The following DLGAP2 variants were observed in gnomAD, a reference collection of about 807,000 sequenced individuals.
The protein encoded by DLGAP2 is DLG associated protein 2.
Under a neutral mutation model 100.3 loss-of-function variants are expected in DLGAP2, and 26 were observed. The ratio of observed to expected loss-of-function variants is 0.26; its 90% CI spans 0.19 to 0.36. The LOEUF is 0.36. DLGAP2 is among the 10% of genes least tolerant of loss of function. DLGAP2 has a pLI of 1.00. For missense variants in DLGAP2, 1,858 were observed against 1,453.2 expected, an observed-to-expected ratio of 1.28 and a Z score of -4.53; for synonymous variants, 886 against 630.1, an observed-to-expected ratio of 1.41 and a Z score of -6.08.
At chr8:837,261 C>G (rs1453219149) in intron 1 of DLGAP2, among the ~76,000 whole-genome samples, 1 of 152,218 alleles carries the variant, frequency 6.6e-6, no homozygotes, top group African/African-American at 2.4e-5. Flanking sequence ...GCAGCCTGGC[C>G]AGTCCTCGGA....
intron 3 of DLGAP2, among the ~76,000 whole-genome samples, chr8:1,322,298 C>A (rs539849810): frequency 6.6e-6 from 1 of 152,218 alleles, no homozygotes; most frequent in South Asian, 2.1e-4. Flanking sequence ...ACTGAAAAAA[C>A]TTCGAAATCT....
At chr8:1,255,008 T>TGTGTGTGTGTCCTCTCATCCTGCCC (rs1563043352) in intron 2 of DLGAP2, among the ~76,000 whole-genome samples, 1 of 33,934 alleles carries the variant, frequency 2.9e-5, no homozygotes, top group African/African-American at 1.3e-4. Context: ...TCATCCTGCT[T>TGTGTGTGTGTCCTCTCATCCTGCCC]GGGCGCTGTG....
At chr8:1,465,033 C>A (rs1038514031) in intron 3 of DLGAP2, among the ~76,000 whole-genome samples, 1 of 152,252 alleles carries the variant, frequency 6.6e-6, no homozygotes, top group Non-Finnish European at 1.5e-5. Flanking sequence ...TTCTCCCCAC[C>A]ACCCAGCAGG....
chr8:1,678,773 C>G (rs2130855906), intron 12 of DLGAP2, 144 bp downstream of exon 12: 4 of 848,318 alleles, frequency 4.7e-6, no homozygotes, highest in Non-Finnish European at 3.3e-6. Flanking sequence ...ATATCCCCCT[C>G]AATTCTAAGA....
At chr8:765,126 C>T (rs550842678) in intron 1 of DLGAP2, among the ~76,000 whole-genome samples, 2 of 152,220 alleles carry the variant, frequency 1.3e-5, no homozygotes, top group South Asian at 2.1e-4. Flanking sequence ...GTGGGGTGCC[C>T]GTCTCCACGC....
At chr8:1,424,859 C>T (rs1199523492) in intron 3 of DLGAP2, among the ~76,000 whole-genome samples, 2 of 152,178 alleles carry the variant, frequency 1.3e-5, no homozygotes, top group Non-Finnish European at 2.9e-5. Flanking sequence ...CAGAGGGAGG[C>T]TGCCAGCAGC....
chr8:1,649,035 C>T (rs770049977), intron 8 of DLGAP2, among the ~76,000 whole-genome samples: 9 of 152,008 alleles, frequency 5.9e-5, no homozygotes, highest in African/African-American at 9.7e-5. Flanking sequence ...GGGAGAGGTC[C>T]GGAGGGGCCC....
At chr8:1,299,650 A>G (rs1219380154) in intron 3 of DLGAP2, among the ~76,000 whole-genome samples, 1 of 152,216 alleles carries the variant, frequency 6.6e-6, no homozygotes, top group East Asian at 1.9e-4. Context: ...GCAAATTAGA[A>G]GCAATAATGC....
intron 4 of DLGAP2, among the ~76,000 whole-genome samples, 199 bp from the exon 5 acceptor site, chr8:1,548,427 C>G (rs1454117496): frequency 3.6e-5 from 5 of 140,322 alleles, no homozygotes; most frequent in African/African-American, 1.3e-4. Flanking sequence ...CCATTGCACT[C>G]CAGCCTGGGC....
intron 2 of DLGAP2, among the ~76,000 whole-genome samples, chr8:1,001,403 T>A (rs931953160): frequency 3.2e-4 from 48 of 152,228 alleles, no homozygotes; most frequent in African/African-American, 1.1e-3. Flanking sequence ...AGGCCAACAT[T>A]TTGACAAACT....
chr8:1,196,917 T>A (rs1563246740), intron 2 of DLGAP2, among the ~76,000 whole-genome samples: 1 of 152,100 alleles, frequency 6.6e-6, no homozygotes, highest in Admixed American at 6.5e-5. Context: ...GCTGTGATTA[T>A]GGGGGCTGAG....
chr8:1,283,909 C>T (rs1323836529), intron 3 of DLGAP2, among the ~76,000 whole-genome samples: 1 of 152,212 alleles, frequency 6.6e-6, no homozygotes, highest in South Asian at 2.1e-4. Context: ...TATAACATTT[C>T]TGAAAACGTG....
intron 3 of DLGAP2, among the ~76,000 whole-genome samples, chr8:1,334,115 C>G (rs546268203): frequency 6.6e-6 from 1 of 152,352 alleles, no homozygotes; most frequent in East Asian, 1.9e-4. Context: ...GAAAGAGTGA[C>G]ACACAGTGAT....
intron 1 of DLGAP2, among the ~76,000 whole-genome samples, chr8:854,951 G>A (rs1797249230): frequency 6.6e-6 from 1 of 152,216 alleles, no homozygotes. Flanking sequence ...CAGCAACCGA[G>A]GAGCGGTTTG....
chr8:1,019,407 C>T (rs1039419323), intron 2 of DLGAP2: 1 of 152,070 alleles, frequency 6.6e-6, no homozygotes, highest in African/African-American at 2.4e-5. Context: ...GCAAGATTTT[C>T]ACCGAGAATC....
At chr8:832,849 A>T (rs1187925193) in intron 1 of DLGAP2, among the ~76,000 whole-genome samples, 5 of 152,314 alleles carry the variant, frequency 3.3e-5, no homozygotes, top group African/African-American at 1.2e-4. Flanking sequence ...TGTGGGATCA[A>T]CTAGGAGGAG....
At chr8:1,335,416 G>A (rs1801251518) in intron 3 of DLGAP2, among the ~76,000 whole-genome samples, 1 of 152,172 alleles carries the variant, frequency 6.6e-6, no homozygotes, top group African/African-American at 2.4e-5. Context: ...GTGTTCTGTG[G>A]GCTGACACTA....
chr8:954,654 A>T (rs1584920684), intron 2 of DLGAP2, among the ~76,000 whole-genome samples: 1 of 152,176 alleles, frequency 6.6e-6, no homozygotes, highest in African/African-American at 2.4e-5. Context: ...AAAGTTTAAA[A>T]ACCTGGAAAA....
intron 3 of DLGAP2, among the ~76,000 whole-genome samples, chr8:1,456,353 G>A (rs868743829): frequency 4.5e-4 from 69 of 152,264 alleles, no homozygotes; most frequent in African/African-American, 1.6e-3. Flanking sequence ...AAATATGACC[G>A]AAATTCTGTC....
Sources: allele counts gnomAD v4.1 joint callset (sites outside exome capture counted in the v4.1 genomes callset), GRCh38; gene constraint gnomAD v4.1.1; transcripts MANE v1.5; gene names NCBI Gene and HGNC (gene_info 2026-07-23, HGNC 2026-07-21).